Variants in TNIP1 observed in about 807,000 individuals in gnomAD.
TNIP1 encodes the protein TNFAIP3-interacting protein 1.
TNIP1 carries 22 observed loss-of-function variants against 86.6 expected under a neutral mutation model. That is an observed-to-expected ratio of 0.25 (90% CI 0.18 to 0.36). The LOEUF is 0.36. TNIP1 is among the 10% of genes least tolerant of loss of function. The pLI is 1.00. For missense variants in TNIP1, 709 were observed against 820.6 expected (o/e 0.86, Z 1.66); for synonymous variants, 294 against 313.0 (o/e 0.94, Z 0.64).
At chr5:151,079,635 AG>A (rs1348037470) in intron 1 of TNIP1, among the ~76,000 whole-genome samples, 3 of 143,880 alleles carry the variant, frequency 2.1e-5, no homozygotes, top group Non-Finnish European at 3.1e-5. Context: ...AAAAAAAAAA[AG>A]ATTAAATGAG....
Position 151,059,860 on chromosome 5 carries a change from TGTGTGTGCGC to T in TNIP1, c.435+448_435+457del, listed in dbSNP as rs1187395328. Among the ~76,000 whole-genome samples the T allele has an allele frequency of 2.3e-3, 221 of 97,322 alleles. 6 individuals carry two copies. The highest frequency in any genetic ancestry group is 0.011 in the African/African-American group (214 of 19,488). 63.8% of individuals were successfully genotyped at this position (97,322 alleles called of 152,430 possible). A position where few individuals can be genotyped will look rare whatever the true frequency, so the allele number is the denominator to read the frequency against. ...GTGTGTGTGTGTGTGTGTGTGTGTG[TGTGTGTGCGC>T]GCGCGCGCGCGCATGCGTGTAAGTG... On this transcript the variant is annotated intron_variant, in intron 5 of 17. Transcript: ENST00000521591.
intron 1 of TNIP1, among the ~76,000 whole-genome samples, chr5:151,073,911 AAAG>A (rs1408043429): frequency 6.6e-6 from 1 of 152,154 alleles, no homozygotes; most frequent in Non-Finnish European, 1.5e-5. Context: ...AAAAAAAAGA[AAAG>A]AAGAAAAGAA....
Position 151,032,160 on chromosome 5 carries a change from T to C in TNIP1, c.1876+127A>G, listed in dbSNP as rs1249245418. 4 of 755,280 alleles carry C rather than the reference T, an allele frequency of 5.3e-6. No individual in the cohort carries two copies. In the African/African-American group the frequency reaches 7.1e-5, roughly 13 times the overall value. 46.8% of individuals were successfully genotyped at this position (755,280 alleles called of 1,614,324 possible). On this transcript the variant is annotated intron_variant, in intron 17 of 17. Coordinates refer to ENST00000521591, the MANE Select transcript of TNIP1 (RefSeq NM_006058.5). ...CCATTACTCTCCATTCAACACTGTT[T>C]TGGAAAGCTGGGCCTCTCCTCCACC...
At chr5:151,077,680 A>G (rs1266088310) in intron 1 of TNIP1, among the ~76,000 whole-genome samples, 5 of 152,178 alleles carry the variant, frequency 3.3e-5, no homozygotes, top group Non-Finnish European at 7.4e-5. Flanking sequence ...TGGCACCACC[A>G]CCATCCACTG....
At chr5:151,057,522 A>C (rs1760828041) in intron 5 of TNIP1, among the ~76,000 whole-genome samples, 1 of 152,174 alleles carries the variant, frequency 6.6e-6, no homozygotes, top group Non-Finnish European at 1.5e-5. Flanking sequence ...CAGGAGATCA[A>C]GACGGCCTGA....
chr5:151,065,043 G>A lies in TNIP1; in HGVS notation c.53C>T (p.Ser18Leu), dbSNP rs564433582. ...RIYDPGGSVP[S>L]GEASAAFERL... ...CTCAAAAGCTGCGGATGCCTCTCCT[G>A]AGGGCACGCTGCCCCCAGGGTCGTA... The change falls in exon 2 of 18, where the codon TCA becomes TTA. Residue 18 changes from serine (S) to leucine (L), a missense_variant. By Grantham distance (145) the Ser-to-Leu change is moderately radical. Transcript: ENST00000521591. The A allele has an allele frequency of 6.2e-7, 1 of 1,614,170 alleles. No homozygotes were observed. Among genetic ancestry groups the A allele is most frequent in the South Asian group, 1.1e-5 (1 of 91,086 alleles).
chr5:151,048,308 C>G (rs1759448052), intron 8 of TNIP1, among the ~76,000 whole-genome samples: 1 of 152,188 alleles, frequency 6.6e-6, no homozygotes, highest in Non-Finnish European at 1.5e-5. Context: ...TAAAGAGCAA[C>G]AGCTAACGTT....
At chr5:151,067,714 A>G (rs1288791984) in intron 1 of TNIP1, among the ~76,000 whole-genome samples, 1 of 152,202 alleles carries the variant, frequency 6.6e-6, no homozygotes, top group Non-Finnish European at 1.5e-5. Context: ...AGTGGCCCAG[A>G]GTAGGGCCTC....
At chr5:151,052,747 C>T (rs1406440721) in intron 6 of TNIP1, among the ~76,000 whole-genome samples, 3 of 152,090 alleles carry the variant, frequency 2.0e-5, no homozygotes, top group Non-Finnish European at 4.4e-5. Context: ...AAGAACTGTT[C>T]GTGCTGCTGT....
intron 9 of TNIP1, 109 bp from the exon 10 acceptor site, chr5:151,043,070 T>C (rs1192321700): frequency 2.7e-6 from 3 of 1,105,232 alleles, no homozygotes; most frequent in Admixed American, 3.4e-5. Flanking sequence ...TGTGTGTGAA[T>C]AGTGGCTACA....
At position 151,047,879 on chromosome 5, in the gene TNIP1, G is replaced by A. The variant is rs1759384765; in HGVS notation, c.847-1929C>T. 2.0e-5 allele frequency among the ~76,000 whole-genome samples: 3 copies of A among 152,120 alleles called. No homozygotes were observed. The South Asian group carries it at 6.2e-4, about 32-fold the overall frequency. ...GAAGAAGGTCTGCAGGCCCCATCCG[G>A]ACTTCTGACATTGTCTGCCATCATC... On this transcript the variant is annotated intron_variant, in intron 8 of 17. Transcript: ENST00000521591.
intron 13 of TNIP1, among the ~76,000 whole-genome samples, chr5:151,036,332 A>G (rs886466073): frequency 4.6e-5 from 7 of 152,138 alleles, no homozygotes; most frequent in African/African-American, 1.4e-4. Flanking sequence ...GTACCTGCCA[A>G]TCTCCTTTAA....
chr5:151,044,974 C>T (rs1336391573), intron 9 of TNIP1, among the ~76,000 whole-genome samples: 30 of 152,354 alleles, frequency 2.0e-4, no homozygotes, highest in Non-Finnish European at 1.5e-5. Context: ...TTTAGGAATC[C>T]ACTCAGTATT....
chr5:151,057,828 G>GT (rs1760878891), intron 5 of TNIP1, among the ~76,000 whole-genome samples: 1 of 152,136 alleles, frequency 6.6e-6, no homozygotes, highest in South Asian at 2.1e-4. Context: ...ATTAGGTATC[G>GT]TAAGTAATCT....
chr5:151,056,802 C>G lies in TNIP1; in HGVS notation c.591G>C (p.Lys197Asn). Residue 197 changes from lysine (K) to asparagine (N), a missense_variant, in exon 6 of 18, where the codon AAG (lysine) becomes AAC (asparagine). Physicochemically the swap from Lys to Asn is moderately conservative, Grantham distance 94 (BLOSUM62 0). Transcript: ENST00000521591. Reference protein sequence around the residue: ...MALEFNRLASKVHKNEQRTSI... With the variant: ...MALEFNRLASNVHKNEQRTSI... Reference sequence around the variant, plus strand: ...AGGTGCGCTGCTCATTCTTGTGCACCTTGGATGCCAGTCGGTTGAACTCCA... The same window carrying G: ...AGGTGCGCTGCTCATTCTTGTGCACGTTGGATGCCAGTCGGTTGAACTCCA... The G allele has an allele frequency of 6.4e-7, 1 of 1,573,058 alleles. No individual in the cohort carries two copies. Among genetic ancestry groups the G allele is most frequent in the Non-Finnish European group, 8.6e-7 (1 of 1,159,176 alleles).
chr5:151,035,445 C>T (rs573380086), intron 14 of TNIP1, 137 bp downstream of exon 14: 29 of 1,318,594 alleles, frequency 2.2e-5, no homozygotes, highest in Admixed American at 4.0e-5. Context: ...AGGGCCTTGC[C>T]GAGCTCAAAT....
At chr5:151,042,438 C>T (rs1356385419) in intron 11 of TNIP1, 102 bp downstream of exon 11, 1 of 1,509,770 alleles carries the variant, frequency 6.6e-7, no homozygotes, top group South Asian at 1.2e-5. Flanking sequence ...TCGCACTAGA[C>T]CCCCGGGTCT....
At chr5:151,077,843 T>A (rs150341189) in intron 1 of TNIP1, among the ~76,000 whole-genome samples, 1 of 152,348 alleles carries the variant, frequency 6.6e-6, no homozygotes, top group African/African-American at 2.4e-5. Context: ...CATTTCTATG[T>A]CTGGTATCAA....
chr5:151,062,343 G>C, intron 3 of TNIP1, 131 bp from the exon 4 acceptor site: 2 of 813,098 alleles, frequency 2.5e-6, no homozygotes, highest in South Asian at 3.1e-5. Context: ...AGAATGGGAG[G>C]TGGTCTCATC....
Sources: allele counts gnomAD v4.1 joint callset (sites outside exome capture counted in the v4.1 genomes callset), GRCh38; gene constraint gnomAD v4.1.1; transcripts MANE v1.5; gene names NCBI Gene and HGNC (gene_info 2026-07-23, HGNC 2026-07-21).